The following MPRIP variants were observed in gnomAD, a reference collection of about 807,000 sequenced individuals.
MPRIP encodes myosin phosphatase Rho interacting protein, also known as myosin phosphatase Rho-interacting protein.
Under a neutral mutation model 234.9 loss-of-function variants are expected in MPRIP, and 59 were observed. That is an observed-to-expected ratio of 0.25 (90% CI 0.20 to 0.31). The LOEUF is 0.31. Among genes scored for constraint, MPRIP ranks in the 10% least tolerant of loss-of-function variants. The pLI is 1.00. For synonymous variants in MPRIP, 1,144 were observed against 1,263.9 expected (o/e 0.91, Z 2.01); for missense variants, 2,436 against 3,071.0 (o/e 0.79, Z 4.89).
Position 17,167,543 on chromosome 17 carries a change from G to A in MPRIP, c.5952G>A (p.Arg1984=). The part of the protein sequence containing the change: ...LSQLDASVRD[R]QDMERHHGEQ... Reference sequence around the variant, plus strand: ...AGCTGGATGCCTCGGTCAGAGACAGGCAGGACATGGAGAGGCATCATGGTG... The same window carrying A: ...AGCTGGATGCCTCGGTCAGAGACAGACAGGACATGGAGAGGCATCATGGTG... Residue 1984 remains arginine, a synonymous_variant, in exon 16 of 24, where the codon AGG becomes AGA. Coordinates refer to ENST00000651222, the MANE Select transcript of MPRIP (RefSeq NM_001364716.4). The surrounding 1 kb of genome is among the most constrained non-coding windows in gnomAD (Gnocchi z 5.9). The A allele has an allele frequency of 1.5e-6, 2 of 1,304,290 alleles. No individual in the cohort carries two copies. Among genetic ancestry groups the A allele is most frequent in the Non-Finnish European group, 2.0e-6 (2 of 988,968 alleles). The allele number at this position is 1,304,290 out of a possible 1,614,324, so 80.8% of individuals were successfully genotyped here.
chr17:17,124,784 A>T (rs914797990), intron 3 of MPRIP, among the ~76,000 whole-genome samples: 1 of 152,202 alleles, frequency 6.6e-6, no homozygotes, highest in African/African-American at 2.4e-5. Context: ...AAGTCAGAGC[A>T]ACCCTTCATT....
rs541565971 is a variant in MPRIP, at chr17:17,088,332, G to A, written c.267+10256G>A. Among the ~76,000 whole-genome samples the A allele has an allele frequency of 2.3e-4, 35 of 152,358 alleles. No individual in the cohort carries two copies. The South Asian group carries it at 5.6e-3, about 24-fold the overall frequency. ...GCAGCAGCTGTGACGGTACCCTGCA[G>A]CGTGAAGGCTCGTGATAACGTACTG... On this transcript the variant is annotated intron_variant, in intron 3 of 23. Coordinates refer to ENST00000651222, the MANE Select transcript of MPRIP (RefSeq NM_001364716.4).
chr17:17,160,320 C>T (rs1289855741), intron 14 of MPRIP, among the ~76,000 whole-genome samples: 2 of 152,116 alleles, frequency 1.3e-5, no homozygotes, highest in African/African-American at 2.4e-5. Flanking sequence ...GACCTGAGAT[C>T]GCACCATCGT....
At position 17,153,246 on chromosome 17, in the gene MPRIP, TCTC is replaced by T. The variant is rs200468860; in HGVS notation, c.1720-1057_1720-1055del. Among the ~76,000 whole-genome samples, 29 of 152,166 alleles carry T rather than the reference TCTC, an allele frequency of 1.9e-4. No individual in the cohort carries two copies. In the East Asian group the frequency reaches 5.2e-3, roughly 27 times the overall value. ...TGTGGCACGTCAGGCCGGTGCGTGA[TCTC>T]CTGTTTTGGCTTCTGGCCAGGCCAC... On this transcript the variant is annotated intron_variant, in intron 12 of 23. Transcript: ENST00000651222.
At chr17:17,091,300 G>A (rs1232774679) in intron 3 of MPRIP, among the ~76,000 whole-genome samples, 1 of 152,102 alleles carries the variant, frequency 6.6e-6, no homozygotes, top group Admixed American at 6.5e-5. Flanking sequence ...GGGTCTTTGG[G>A]GACATCATCT....
intron 3 of MPRIP, among the ~76,000 whole-genome samples, chr17:17,118,791 C>G (rs1311753995): frequency 6.6e-6 from 1 of 152,136 alleles, no homozygotes; most frequent in East Asian, 1.9e-4. Flanking sequence ...GCGGCTCTTT[C>G]CAGTTTCCTC....
chr17:17,067,198 C>T (rs1010726715), intron 1 of MPRIP, among the ~76,000 whole-genome samples: 1 of 152,184 alleles, frequency 6.6e-6, no homozygotes, highest in Non-Finnish European at 1.5e-5. Flanking sequence ...TCTTACTGTA[C>T]ATCTTAGCAA....
At position 17,165,625 on chromosome 17, in the gene MPRIP, G is replaced by A; in HGVS notation, c.4034G>A (p.Ser1345Asn). 1 of 1,304,908 alleles carries A rather than the reference G, an allele frequency of 7.7e-7. No individual in the cohort carries two copies. Among genetic ancestry groups the A allele is most frequent in the Non-Finnish European group, 1.0e-6 (1 of 989,044 alleles). 80.8% of individuals were successfully genotyped at this position (1,304,908 alleles called of 1,614,324 possible). A position where few individuals can be genotyped will look rare whatever the true frequency, so the allele number is the denominator to read the frequency against. ...PEGSEKTWTSSTSSDTSQDRS... is the reference protein window; with the variant it reads ...PEGSEKTWTSNTSSDTSQDRS... ...GGGTCTGAGAAGACCTGGACCAGCAGCACATCTTCCGACACCAGCCAGGAC... is the reference window on the plus strand; with the variant it reads ...GGGTCTGAGAAGACCTGGACCAGCAACACATCTTCCGACACCAGCCAGGAC... Residue 1345 changes from serine (S) to asparagine (N), a missense_variant, in exon 16 of 24, where the codon AGC becomes AAC. Physicochemically the swap from Ser to Asn is conservative, Grantham distance 46. Transcript: ENST00000651222.
At chr17:17,143,806 C>A in intron 9 of MPRIP, 137 bp downstream of exon 9, 1 of 468,110 alleles carries the variant, frequency 2.1e-6, no homozygotes, top group Non-Finnish European at 3.7e-6. Flanking sequence ...AGCACCCCCA[C>A]CCACCGACCC....
chr17:17,103,392 G>A lies in MPRIP; in HGVS notation c.268-23310G>A, dbSNP rs1440022057. On this transcript the variant is annotated intron_variant, in intron 3 of 23. Coordinates refer to ENST00000651222, the MANE Select transcript of MPRIP (RefSeq NM_001364716.4). The stretch of plus-strand genomic sequence containing the variant: ...GCAGCCGTGAGGGTATCTTGCAGTG[G>A]CTCTTTGGGAGCAGCGGCTGCTATT... Among the ~76,000 whole-genome samples the A allele has an allele frequency of 2.6e-5, 4 of 152,212 alleles. No individual in the cohort carries two copies. The East Asian group carries it at 7.7e-4, about 29-fold the overall frequency.
At chr17:17,099,899 T>A (rs1048292362) in intron 3 of MPRIP, among the ~76,000 whole-genome samples, 2 of 152,198 alleles carry the variant, frequency 1.3e-5, no homozygotes, top group African/African-American at 4.8e-5. Context: ...TTGTAAAAAT[T>A]ATACATTTTG....
intron 12 of MPRIP, among the ~76,000 whole-genome samples, chr17:17,150,573 A>C (rs537777139): frequency 6.6e-6 from 1 of 152,098 alleles, no homozygotes; most frequent in African/African-American, 2.4e-5. Context: ...TGAAAGTGTT[A>C]GTCAATTATT....
chr17:17,054,057 C>T (rs375702244), intron 1 of MPRIP, among the ~76,000 whole-genome samples: 1 of 152,060 alleles, frequency 6.6e-6, no homozygotes, highest in African/African-American at 2.4e-5. Flanking sequence ...TAAAAATTAA[C>T]CAAACTTCTA....
At chr17:17,045,474 G>A (rs967530614) in intron 1 of MPRIP, among the ~76,000 whole-genome samples, 5 of 152,184 alleles carry the variant, frequency 3.3e-5, no homozygotes, top group Non-Finnish European at 5.9e-5. Context: ...ACCCAGAGAA[G>A]GGAAGTGACT....
At chr17:17,139,925 G>A (rs1191217453) in intron 7 of MPRIP, among the ~76,000 whole-genome samples, 2 of 152,088 alleles carry the variant, frequency 1.3e-5, no homozygotes, top group African/African-American at 2.4e-5. Context: ...TGTTACTACC[G>A]CCCCCAGTTA....
intron 23 of MPRIP, chr17:17,182,486 G>T (rs752684379): frequency 6.6e-6 from 1 of 152,292 alleles, no homozygotes; most frequent in Non-Finnish European, 1.5e-5. Flanking sequence ...AACAGCCTAG[G>T]GGGAGATGAA....
intron 20 of MPRIP, 150 bp downstream of exon 20, chr17:17,175,562 A>G: frequency 8.9e-7 from 1 of 1,124,028 alleles, no homozygotes; most frequent in Non-Finnish European, 1.2e-6. Flanking sequence ...AATCACCCGA[A>G]GGCGGCGAGG....
At chr17:17,092,110 G>C (rs2065045742) in intron 3 of MPRIP, among the ~76,000 whole-genome samples, 1 of 152,216 alleles carries the variant, frequency 6.6e-6, no homozygotes, top group Admixed American at 6.5e-5. Flanking sequence ...TTGACTGCCT[G>C]TACCATCTTG....
intron 3 of MPRIP, among the ~76,000 whole-genome samples, chr17:17,088,332 G>T (rs541565971): frequency 6.6e-6 from 1 of 152,240 alleles, no homozygotes; most frequent in East Asian, 1.9e-4. Flanking sequence ...GTACCCTGCA[G>T]CGTGAAGGCT....
Sources: gnomAD v4.1 joint callset for allele counts (sites outside exome capture counted in the v4.1 genomes callset) on GRCh38, gnomAD v4.1.1 for gene constraint, Gnocchi (gnomAD v3.1) non-coding constraint, MANE v1.5 for transcripts, NCBI Gene and HGNC (gene_info 2026-07-23, HGNC 2026-07-21) for gene names.